The following MYCBP2 variants were observed in gnomAD, a reference collection of about 807,000 sequenced individuals.
The protein encoded by MYCBP2 is E3 ubiquitin-protein ligase MYCBP2.
A neutral mutation model predicts 525.3 loss-of-function variants in MYCBP2; 120 were observed. The observed-to-expected ratio is 0.23, with a 90% CI of 0.20 to 0.27. The LOEUF is 0.27. Ranked by LOEUF, MYCBP2 falls within the 10% of genes least tolerant of loss-of-function variation. MYCBP2 has a pLI of 1.00. For missense variants in MYCBP2, 4,149 were observed against 5,657.1 expected (o/e 0.73, Z 8.55); for synonymous variants, 1,894 against 1,955.8 (o/e 0.97, Z 0.83).
At chr13:77,303,333 AAAAC>A (rs150751268) in intron 1 of MYCBP2, among the ~76,000 whole-genome samples, 10 of 152,256 alleles carry the variant, frequency 6.6e-5, no homozygotes, top group East Asian at 1.9e-4. Flanking sequence ...ACTCCGTCTC[AAAAC>A]AAACAAACAA....
chr13:77,099,118 T>C, intron 55 of MYCBP2, 105 bp from the exon 56 acceptor site: 4 of 1,399,800 alleles, frequency 2.9e-6, no homozygotes, highest in Non-Finnish European at 3.9e-6. Context: ...AAATTTATAT[T>C]GTTTGTCATA....
intron 68 of MYCBP2, among the ~76,000 whole-genome samples, chr13:77,071,894 T>G (rs1278801751): frequency 1.3e-5 from 2 of 152,086 alleles, no homozygotes; most frequent in African/African-American, 2.4e-5. Flanking sequence ...TTGACCACAA[T>G]GAAACTGAAC....
intron 23 of MYCBP2, among the ~76,000 whole-genome samples, chr13:77,210,722 C>CA (rs796324022): frequency 6.6e-6 from 1 of 151,902 alleles, no homozygotes; most frequent in Non-Finnish European, 1.5e-5. Context: ...ATTATGAGAA[C>CA]AAAAAATAGA....
intron 3 of MYCBP2, among the ~76,000 whole-genome samples, chr13:77,280,467 C>G (rs2076074461): frequency 3.9e-5 from 6 of 152,170 alleles, no homozygotes; most frequent in Admixed American, 3.9e-4. Flanking sequence ...ATATGGGGCT[C>G]TATTCTCAAG....
chr13:77,228,443 G>T (rs1192803800), intron 18 of MYCBP2, among the ~76,000 whole-genome samples: 2 of 151,438 alleles, frequency 1.3e-5, no homozygotes, highest in African/African-American at 4.9e-5. Context: ...GGAGGTCAAG[G>T]CTGCAGTGAG....
intron 14 of MYCBP2, among the ~76,000 whole-genome samples, 195 bp downstream of exon 14, chr13:77,257,476 T>C (rs1432499964): frequency 1.3e-5 from 2 of 152,002 alleles, no homozygotes; most frequent in African/African-American, 4.8e-5. Context: ...ATTGTAGGCC[T>C]GTATCAAAAC....
intron 82 of MYCBP2, among the ~76,000 whole-genome samples, chr13:77,050,379 G>A (rs1042356438): frequency 2.6e-5 from 4 of 151,954 alleles, no homozygotes; most frequent in African/African-American, 7.3e-5. Context: ...ATGGTTGCAC[G>A]GACCTCTCCT....
chr13:77,155,175 C>A (rs2057057241), intron 46 of MYCBP2, among the ~76,000 whole-genome samples: 1 of 152,078 alleles, frequency 6.6e-6, no homozygotes, highest in Non-Finnish European at 1.5e-5. Flanking sequence ...GGTCTTAAGT[C>A]ATGTAAGCAA....
Position 77,078,827 on chromosome 13 carries a change from C to G in MYCBP2, c.11481G>C (p.Lys3827Asn), listed in dbSNP as rs140311566. ...GKAVEDLCRI[K>N]QVDLDSRHIG... ...TTAATGACAAAATTTCAATTACCTG[C>G]TTTATTCTGCACAAATCTTCTACTG... The change falls in exon 66 of 83, where the codon AAG becomes AAC. Residue 3827 changes from lysine (K) to asparagine (N), a missense_variant. Lys to Asn is a moderately conservative substitution (Grantham distance 94). Around this residue, in one of 21 missense-constraint regions of MYCBP2, gnomAD observed 509 missense variants for 789.4 expected, o/e 0.64. Transcript: ENST00000544440. The G allele has an allele frequency of 6.2e-7, 1 of 1,613,244 alleles. No homozygotes were observed. The highest frequency in any genetic ancestry group is 8.5e-7 in the Non-Finnish European group (1 of 1,179,500).
Position 77,097,751 on chromosome 13 carries a change from C to T in MYCBP2, c.9403G>A (p.Asp3135Asn), listed in dbSNP as rs1319911112. 17 of 1,613,418 alleles carry T rather than the reference C, an allele frequency of 1.1e-5. No individual in the cohort carries two copies. The highest frequency in any genetic ancestry group is 1.4e-5 in the Non-Finnish European group (17 of 1,179,778). ...KEPPLHEKCE[D>N]GKTETTFEMS... is the part of the protein sequence containing the mutation. Reference sequence around the variant, plus strand: ...TCAAAAGTGGTCTCGGTTTTCCCATCCTCACATTTTTCATGCAGAGGTGGT... The same window carrying T: ...TCAAAAGTGGTCTCGGTTTTCCCATTCTCACATTTTTCATGCAGAGGTGGT... The change falls in exon 56 of 83, where the codon GAT becomes AAT. Residue 3135 changes from aspartate to asparagine, a missense_variant. Asp to Asn is a conservative substitution (Grantham distance 23, BLOSUM62 1). This residue lies in a region of MYCBP2 where 653 missense variants were observed against 744.7 expected (regional missense o/e 0.88). Coordinates refer to ENST00000544440, the MANE Select transcript of MYCBP2 (RefSeq NM_015057.5).
At chr13:77,265,027 C>T (rs1196607170) in intron 8 of MYCBP2, among the ~76,000 whole-genome samples, 1 of 152,068 alleles carries the variant, frequency 6.6e-6, no homozygotes, top group Non-Finnish European at 1.5e-5. Context: ...AGTAATGGAG[C>T]CCACCCGAAT....
chr13:77,138,580 G>A (rs2054111874), intron 52 of MYCBP2, among the ~76,000 whole-genome samples: 1 of 152,178 alleles, frequency 6.6e-6, no homozygotes, highest in African/African-American at 2.4e-5. Flanking sequence ...AAAACGAAGT[G>A]TGGGTTATTA....
intron 15 of MYCBP2, among the ~76,000 whole-genome samples, chr13:77,244,292 C>T (rs9530627): frequency 0.44 from 66,590 of 152,010 alleles, 18,400 homozygotes; most frequent in Non-Finnish European, 0.62. Flanking sequence ...TTAAGTGACC[C>T]AGATGGGTTG....
Position 77,296,640 on chromosome 13 carries a change from T to G in MYCBP2, c.337A>C (p.Arg113=). The G allele has an allele frequency of 6.5e-7, 1 of 1,534,696 alleles. No individual in the cohort carries two copies. Among genetic ancestry groups the G allele is most frequent in the Non-Finnish European group, 8.8e-7 (1 of 1,130,814 alleles). ...ACTTTTGATTTGCTCTTCTGTTTTC[T>G]TTTCAATTTCTTCTTATTTAAAATT... The part of the protein sequence containing the change: ...KKILNKKKLK[R]KQKSKSKVKT... Residue 113 remains arginine, a synonymous_variant, in exon 2 of 83, where the codon AGA becomes CGA. Coordinates refer to ENST00000544440, the MANE Select transcript of MYCBP2 (RefSeq NM_015057.5).
chr13:77,071,310 A>ACACAC lies in MYCBP2; in HGVS notation c.11824-600_11824-599insGTGTG, dbSNP rs1417944112. On this transcript the variant is annotated intron_variant, in intron 68 of 82. Coordinates refer to ENST00000544440, the MANE Select transcript of MYCBP2 (RefSeq NM_015057.5). Reference sequence around the variant, plus strand: ...ACACACACACACACACACACACACAAATCTTATCTAATCTTCGCAACAACC... The same window carrying ACACAC: ...ACACACACACACACACACACACACAACACACATCTTATCTAATCTTCGCAACAACC... Among the ~76,000 whole-genome samples the ACACAC allele has an allele frequency of 4.9e-3, 422 of 85,900 alleles. 3 individuals are homozygous for ACACAC. Among genetic ancestry groups the ACACAC allele is most frequent in the African/African-American group, 0.012 (368 of 29,824 alleles). The allele number at this position is 85,900 out of a possible 152,430, so 56.4% of individuals were successfully genotyped here.
At chr13:77,274,493 G>T (rs547615688) in intron 4 of MYCBP2, among the ~76,000 whole-genome samples, 3 of 152,090 alleles carry the variant, frequency 2.0e-5, no homozygotes, top group Non-Finnish European at 4.4e-5. Flanking sequence ...GAAAGGGAAG[G>T]GAGAGAAGGA....
chr13:77,155,990 T>C, intron 46 of MYCBP2, 68 bp downstream of exon 46: 1 of 1,471,506 alleles, frequency 6.8e-7, no homozygotes, highest in South Asian at 1.3e-5. Flanking sequence ...CACTTGGCAT[T>C]TCTAAAATTT....
At chr13:77,135,942 T>C (rs1234210462) in intron 52 of MYCBP2, among the ~76,000 whole-genome samples, 1 of 151,882 alleles carries the variant, frequency 6.6e-6, no homozygotes, top group Non-Finnish European at 1.5e-5. Context: ...GTTCAAGCAA[T>C]TCTCTGCCTC....
At chr13:77,178,656 G>T (rs1438788299) in intron 34 of MYCBP2, among the ~76,000 whole-genome samples, 1 of 152,128 alleles carries the variant, frequency 6.6e-6, no homozygotes, top group Non-Finnish European at 1.5e-5. Flanking sequence ...CTTGGCTACA[G>T]AATTTTGGGA....
Sources: gnomAD v4.1 joint callset for allele counts (sites outside exome capture counted in the v4.1 genomes callset) on GRCh38, gnomAD v4.1.1 for gene constraint, gnomAD v4.1.1 regional missense constraint, MANE v1.5 for transcripts, NCBI Gene and HGNC (gene_info 2026-07-23, HGNC 2026-07-21) for gene names.